ARHGAP20: variants seen among roughly 807,000 people sequenced by gnomAD.
ARHGAP20 encodes the protein Rho GTPase activating protein 20.
Under a neutral mutation model 73.7 loss-of-function variants are expected in ARHGAP20, and 34 were observed. That is an observed-to-expected ratio of 0.46 (90% CI 0.35 to 0.61). The LOEUF is 0.61. Ranked by LOEUF, ARHGAP20 falls within the 20% of genes least tolerant of loss-of-function variation. The pLI, the probability that ARHGAP20 is intolerant of heterozygous loss-of-function variation, is 0.00. For synonymous variants in ARHGAP20, 523 were observed against 518.2 expected (o/e 1.01, Z -0.13); for missense variants, 1,314 against 1,420.9 (o/e 0.92, Z 1.21).
At chr11:110,698,837 C>T (rs953379234) in intron 1 of ARHGAP20, among the ~76,000 whole-genome samples, 4 of 151,750 alleles carry the variant, frequency 2.6e-5, no homozygotes, top group Non-Finnish European at 4.4e-5. Context: ...AGCAGTCTGT[C>T]ATTTTTGTGT....
intron 2 of ARHGAP20, among the ~76,000 whole-genome samples, chr11:110,681,273 A>G (rs1361353464): frequency 6.6e-6 from 1 of 152,240 alleles, no homozygotes; most frequent in Non-Finnish European, 1.5e-5. Flanking sequence ...ATTCCTCTAA[A>G]GTTCAAAATT....
At position 110,580,711 on chromosome 11, in the gene ARHGAP20, C is replaced by T. The variant is rs1365518775; in HGVS notation, c.2235G>A (p.Gln745=). 10 of 1,613,846 alleles carry T rather than the reference C, an allele frequency of 6.2e-6. No individual in the cohort carries two copies. Among genetic ancestry groups the T allele is most frequent in the African/African-American group, 5.3e-5 (4 of 74,920 alleles). The change falls in exon 15 of 15, where the codon CAG becomes CAA. Residue 745 remains glutamine (Q), a synonymous_variant. Transcript: ENST00000683387. ...LSQKDEDYLK[Q]NQPLQEEGKT... ...TTCCTTCCTCCTGGAGGGGTTGATTCTGCTTCAGATAGTCTTCATCTTTTT... is the reference window on the plus strand; with the variant it reads ...TTCCTTCCTCCTGGAGGGGTTGATTTTGCTTCAGATAGTCTTCATCTTTTT...
chr11:110,689,124 G>C (rs1214004486), intron 2 of ARHGAP20, among the ~76,000 whole-genome samples: 1 of 151,410 alleles, frequency 6.6e-6, no homozygotes, highest in Non-Finnish European at 1.5e-5. Context: ...TCAGCCTCTA[G>C]AGTAGCTGGG....
In ARHGAP20 at chr11:110,579,520, T is replaced by A. The variant is rs1234449289; in HGVS notation, c.3426A>T (p.Glu1142Asp). 2 of 1,614,168 alleles carry A rather than the reference T, an allele frequency of 1.2e-6. No homozygotes were observed. Among genetic ancestry groups the A allele is most frequent in the East Asian group, 4.5e-5 (2 of 44,868 alleles). ...RLKLCMKSHEEIEPGSQSSSG... is the reference protein window; with the variant it reads ...RLKLCMKSHEDIEPGSQSSSG... ...AAGAGCTCTGACTACCAGGCTCTATTTCCTCATGTGACTTCATGCACAGCT... is the reference window on the plus strand; with the variant it reads ...AAGAGCTCTGACTACCAGGCTCTATATCCTCATGTGACTTCATGCACAGCT... The change falls in exon 15 of 15, where the codon GAA becomes GAT. Residue 1142 changes from glutamate (E) to aspartate (D), a missense_variant. Physicochemically the swap from Glu to Asp is conservative, Grantham distance 45. Around this residue, in one of 3 missense-constraint regions of ARHGAP20, gnomAD observed 641 missense variants for 636.9 expected, o/e 1.01. Transcript: ENST00000683387.
chr11:110,676,338 A>C (rs1381237620), intron 2 of ARHGAP20, among the ~76,000 whole-genome samples: 1 of 152,228 alleles, frequency 6.6e-6, no homozygotes, highest in African/African-American at 2.4e-5. Flanking sequence ...TAATTTATAA[A>C]GGAAAGAGGT....
intron 1 of ARHGAP20, among the ~76,000 whole-genome samples, chr11:110,702,626 T>C (rs1490508336): frequency 2.0e-5 from 3 of 152,136 alleles, no homozygotes; most frequent in Non-Finnish European, 4.4e-5. Flanking sequence ...TGATTGTATA[T>C]CTAGAAAACT....
chr11:110,657,908 GAA>G (rs1230446578), intron 2 of ARHGAP20, among the ~76,000 whole-genome samples: 6 of 137,386 alleles, frequency 4.4e-5, no homozygotes, highest in Non-Finnish European at 9.4e-5. Context: ...AAAAAAGAAA[GAA>G]AAAGAGAGAG....
In ARHGAP20 at chr11:110,580,569, A is replaced by T; in HGVS notation, c.2377T>A (p.Phe793Ile). The T allele has an allele frequency of 1.2e-6, 2 of 1,614,216 alleles. No individual in the cohort carries two copies. Among genetic ancestry groups the T allele is most frequent in the Non-Finnish European group, 1.7e-6 (2 of 1,180,046 alleles). ...SGSEGNHVKL[F>I]PKSKPVAISV... ...ATGGCCACTGGCTTAGACTTAGGGAAAAGTTTCACGTGATTTCCTTCACTA... is the reference window on the plus strand; with the variant it reads ...ATGGCCACTGGCTTAGACTTAGGGATAAGTTTCACGTGATTTCCTTCACTA... The change falls in exon 15 of 15, where the codon TTC becomes ATC. Residue 793 changes from phenylalanine (F) to isoleucine (I), a missense_variant. This residue lies in a region of ARHGAP20 where 641 missense variants were observed against 636.9 expected (regional missense o/e 1.01). Transcript: ENST00000683387.
At chr11:110,601,759 G>A (rs781122147) in intron 9 of ARHGAP20, among the ~76,000 whole-genome samples, 22 of 152,130 alleles carry the variant, frequency 1.4e-4, no homozygotes, top group Non-Finnish European at 2.2e-4. Flanking sequence ...CGAGGCGGGT[G>A]GATCGCCTGA....
chr11:110,626,476 C>T (rs986116449), intron 3 of ARHGAP20, among the ~76,000 whole-genome samples: 2 of 152,142 alleles, frequency 1.3e-5, no homozygotes, highest in African/African-American at 4.8e-5. Flanking sequence ...ATACTTTACA[C>T]ACATTATTTA....
At chr11:110,660,073 A>G (rs1316962302) in intron 2 of ARHGAP20, among the ~76,000 whole-genome samples, 2 of 151,706 alleles carry the variant, frequency 1.3e-5, no homozygotes, top group South Asian at 2.1e-4. Context: ...AAAAAAAAAA[A>G]AAAAAGAAAA....
chr11:110,579,157 A>C lies in ARHGAP20; in HGVS notation c.*213T>G. 8.1e-7 allele frequency: 1 copy of C among 1,230,018 alleles called. No individual in the cohort carries two copies. The highest frequency in any genetic ancestry group is 1.0e-6 in the Non-Finnish European group (1 of 979,908). The allele number at this position is 1,230,018 out of a possible 1,614,324, so 76.2% of individuals were successfully genotyped here. ...GACCAATCCCAACCTTTAATAAGAA[A>C]AAGCCTCCCAAACACTTAGGTGACA... On this transcript the variant is annotated 3_prime_UTR_variant, in exon 15 of 15. Coordinates refer to ENST00000683387, the MANE Select transcript of ARHGAP20 (RefSeq NM_001384657.1).
rs1485675720 is a variant in ARHGAP20, at chr11:110,580,090, G to A, written c.2856C>T (p.Ser952=). ...AAATCTGAGAAAAAGCACTGTCTTG[G>A]GAGCTTACTGATGAGCCGGATGGGG... ...GTSPSGSSVS[S]QDSAFSQISE... Residue 952 remains serine (S), a synonymous_variant, in exon 15 of 15, where the codon TCC becomes TCT. Transcript: ENST00000683387. The A allele has an allele frequency of 6.2e-7, 1 of 1,614,096 alleles. No individual in the cohort carries two copies. Among genetic ancestry groups the A allele is most frequent in the African/African-American group, 1.3e-5 (1 of 74,936 alleles).
Position 110,698,225 on chromosome 11 carries a change from T to C in ARHGAP20, c.106-7596A>G, listed in dbSNP as rs577949016. 1.4e-3 allele frequency among the ~76,000 whole-genome samples: 209 copies of C among 151,988 alleles called. 3 individuals carry two copies. In the South Asian group the frequency reaches 0.021, roughly 15 times the overall value. ...CTGTGTATGTGGTAAAACACACTTA[T>C]TGATTTGTGGATGTTGAACCATCAT... On this transcript the variant is annotated intron_variant, in intron 1 of 14. Transcript: ENST00000683387.
At chr11:110,636,647 CTT>C (rs1948974265) in intron 2 of ARHGAP20, among the ~76,000 whole-genome samples, 1 of 151,944 alleles carries the variant, frequency 6.6e-6, no homozygotes, top group Non-Finnish European at 1.5e-5. Context: ...TGCCTGAAGA[CTT>C]TAGTAAAAAA....
intron 1 of ARHGAP20, chr11:110,691,015 ATCTT>A: frequency 6.6e-7 from 1 of 1,517,434 alleles, no homozygotes; most frequent in Non-Finnish European, 8.8e-7. Context: ...AGATACTACT[ATCTT>A]TATTTCACAG....
intron 1 of ARHGAP20, among the ~76,000 whole-genome samples, chr11:110,707,864 T>G (rs558100908): frequency 3.8e-5 from 3 of 78,090 alleles, no homozygotes; most frequent in East Asian, 7.5e-4. Context: ...CATTTTTTTG[T>G]TTTTTTTTTT....
At chr11:110,711,947 C>T in intron 1 of ARHGAP20, 180 bp downstream of exon 1, 1 of 1,251,658 alleles carries the variant, frequency 8.0e-7, no homozygotes, top group South Asian at 3.5e-5. Context: ...GAGGCGGCGG[C>T]GCTGCCGCTG....
chr11:110,614,682 G>A, intron 5 of ARHGAP20, 37 bp from the exon 6 acceptor site: 1 of 1,382,908 alleles, frequency 7.2e-7, no homozygotes, highest in Non-Finnish European at 1.0e-6. Context: ...ACAACACTGA[G>A]TCAGATGGAA....
Sources: gnomAD v4.1 joint callset for allele counts (sites outside exome capture counted in the v4.1 genomes callset) on GRCh38, gnomAD v4.1.1 for gene constraint, gnomAD v4.1.1 regional missense constraint, MANE v1.5 for transcripts, NCBI Gene and HGNC (gene_info 2026-07-23, HGNC 2026-07-21) for gene names.